ZNF410: variants seen among roughly 807,000 people sequenced by gnomAD.
The protein encoded by ZNF410 is another partner for ARF 1.
Under a neutral mutation model 54.8 loss-of-function variants are expected in ZNF410, and 18 were observed. The observed-to-expected ratio is 0.33, with a 90% CI of 0.23 to 0.49. The LOEUF is 0.49. Among genes scored for constraint, ZNF410 ranks in the 20% least tolerant of loss-of-function variants. The pLI, the probability that ZNF410 is intolerant of heterozygous loss-of-function variation, is 0.99. For missense variants in ZNF410, 405 were observed against 569.6 expected (o/e 0.71, Z 2.94); for synonymous variants, 191 against 207.3 (o/e 0.92, Z 0.68).
intron 1 of ZNF410, among the ~76,000 whole-genome samples, chr14:73,889,053 T>C (rs1334033354): frequency 2.6e-5 from 4 of 152,226 alleles, no homozygotes; most frequent in Non-Finnish European, 5.9e-5. Context: ...AGTAAATAGT[T>C]GTCTGGTTCC....
At chr14:73,915,818 T>G (rs181383362) in intron 8 of ZNF410, 255 of 152,382 alleles carry the variant, frequency 1.7e-3, no homozygotes, top group African/African-American at 5.6e-3. Context: ...ATGCTACTAA[T>G]TTTACTGCTA....
chr14:73,917,406 G>C (rs1002366458), intron 8 of ZNF410, among the ~76,000 whole-genome samples: 8 of 151,974 alleles, frequency 5.3e-5, no homozygotes, highest in Admixed American at 4.6e-4. Context: ...TTCTCTTATA[G>C]GTATAAACAC....
chr14:73,909,789 A>G (rs1477006949), intron 8 of ZNF410, among the ~76,000 whole-genome samples: 3 of 152,190 alleles, frequency 2.0e-5, no homozygotes, highest in Admixed American at 2.0e-4. Context: ...AAGAAAGTAA[A>G]AAGACTGATA....
chr14:73,913,401 G>T (rs1010613333), intron 8 of ZNF410: 7 of 151,172 alleles, frequency 4.6e-5, no homozygotes, highest in Non-Finnish European at 1.5e-5. Context: ...CAAGGTTGAA[G>T]GAAAAAAAAA....
rs1172011772 is a variant in ZNF410, at chr14:73,932,315, T to TTA, written c.*775_*776dup. Reference sequence around the variant, plus strand: ...CTTGTTTTATACAAAATTTGTTTTCTTAGAGATTAAGAATTTAATCTTTCC... The same window carrying TTA: ...CTTGTTTTATACAAAATTTGTTTTCTTATAGAGATTAAGAATTTAATCTTTCC... On this transcript the variant is annotated 3_prime_UTR_variant, in exon 12 of 12. Coordinates refer to ENST00000555044, the MANE Select transcript of ZNF410 (RefSeq NM_021188.3). The TTA allele has an allele frequency of 2.6e-5, 9 of 343,298 alleles. No homozygotes were observed. Among genetic ancestry groups the TTA allele is most frequent in the Non-Finnish European group, 4.5e-5 (8 of 176,942 alleles). 21.3% of individuals were successfully genotyped at this position (343,298 alleles called of 1,614,324 possible).
At chr14:73,898,414 A>C in intron 5 of ZNF410, 152 bp downstream of exon 5, 2 of 918,274 alleles carry the variant, frequency 2.2e-6, no homozygotes, top group Admixed American at 2.8e-5. Context: ...TATTTTCTAT[A>C]AAATAACTTG....
rs923623513 is a variant in ZNF410 at position 73,919,892 on chromosome 14, T to G, written c.1004-1088T>G. 2.1e-4 allele frequency among the ~76,000 whole-genome samples: 29 copies of G among 139,364 alleles called. No homozygotes were observed. The East Asian group carries it at 5.3e-3, about 26-fold the overall frequency. The allele number at this position is 139,364 out of a possible 152,430, so 91.4% of individuals were successfully genotyped here. A position where few individuals can be genotyped will look rare whatever the true frequency, so the allele number is the denominator to read the frequency against. ...CCCTGTTTCTATTGTATAGGTTTTT[T>G]TTTTTTTTTTTTTTTTTTTGCTATG... On this transcript the variant is annotated intron_variant, in intron 8 of 11. Coordinates refer to ENST00000555044, the MANE Select transcript of ZNF410 (RefSeq NM_021188.3).
chr14:73,918,065 T>C (rs984520811), intron 8 of ZNF410, among the ~76,000 whole-genome samples: 2 of 152,176 alleles, frequency 1.3e-5, no homozygotes, highest in South Asian at 2.1e-4. Flanking sequence ...TGAATAGTTA[T>C]GCTATATTGG....
At chr14:73,892,229 T>C (rs1242339770) in intron 2 of ZNF410, 21 bp downstream of exon 2, 2 of 1,611,454 alleles carry the variant, frequency 1.2e-6, no homozygotes, top group Non-Finnish European at 1.7e-6. Flanking sequence ...TCAGCTTGTT[T>C]CCTTTTCTTT....
At chr14:73,891,087 T>G (rs2055221950) in intron 1 of ZNF410, among the ~76,000 whole-genome samples, 2 of 114,530 alleles carry the variant, frequency 1.7e-5, no homozygotes, top group Admixed American at 1.8e-4. Context: ...TCTTCAAATT[T>G]TAACTTTTTT....
At position 73,892,279 on chromosome 14, in the gene ZNF410, G is replaced by A. The variant is rs536842890; in HGVS notation, c.33+71G>A. ...TCAAAGTTTATCTTCAGTTTAGGGG[G>A]TCAGCAAACTTTTTCTTTAATGGGC... is the stretch of plus-strand genomic sequence containing the variant. On this transcript the variant is annotated intron_variant, in intron 2 of 11. Coordinates refer to ENST00000555044, the MANE Select transcript of ZNF410 (RefSeq NM_021188.3). 755 of 1,523,060 alleles carry A rather than the reference G, an allele frequency of 5.0e-4. 8 individuals carry two copies. In the South Asian group the frequency reaches 8.5e-3, roughly 17 times the overall value. The allele number at this position is 1,523,060 out of a possible 1,614,324, so 94.3% of individuals were successfully genotyped here. A position where few individuals can be genotyped will look rare whatever the true frequency, so the allele number is the denominator to read the frequency against.
At chr14:73,923,793 C>T (rs1272874738) in intron 11 of ZNF410, among the ~76,000 whole-genome samples, 1 of 152,142 alleles carries the variant, frequency 6.6e-6, no homozygotes, top group Non-Finnish European at 1.5e-5. Context: ...TTCTCTGCCA[C>T]ACTATAACAT....
At chr14:73,896,619 TAGAA>T in intron 4 of ZNF410, 85 bp downstream of exon 4, 4 of 1,049,206 alleles carry the variant, frequency 3.8e-6, no homozygotes, top group East Asian at 2.4e-5. Context: ...ATACTTAAAA[TAGAA>T]AGAACCTTTA....
chr14:73,899,457 C>G (rs1341885083), intron 5 of ZNF410, among the ~76,000 whole-genome samples: 1 of 152,084 alleles, frequency 6.6e-6, no homozygotes, highest in Non-Finnish European at 1.5e-5. Flanking sequence ...TTATGACTAC[C>G]ATAGTGCTAC....
intron 5 of ZNF410, among the ~76,000 whole-genome samples, chr14:73,901,293 G>A (rs1469701768): frequency 3.3e-5 from 5 of 152,134 alleles, no homozygotes; most frequent in African/African-American, 4.8e-5. Context: ...TACGGCAGCC[G>A]GGCGCAGTGG....
chr14:73,912,426 C>T (rs549467005), intron 8 of ZNF410, among the ~76,000 whole-genome samples: 41 of 152,138 alleles, frequency 2.7e-4, no homozygotes, highest in African/African-American at 9.1e-4. Context: ...CTTGGCCTCC[C>T]GAAGTGCTGG....
chr14:73,891,878 T>G lies in ZNF410; in HGVS notation c.-149-149T>G, dbSNP rs1009856978. On this transcript the variant is annotated intron_variant, in intron 1 of 11. Coordinates refer to ENST00000555044, the MANE Select transcript of ZNF410 (RefSeq NM_021188.3). Reference sequence around the variant, plus strand: ...TATGGGTTTTGATGCCTGTTGAGCTTGTTGTATTTTAAAAGAAGTGTTTCG... The same window carrying G: ...TATGGGTTTTGATGCCTGTTGAGCTGGTTGTATTTTAAAAGAAGTGTTTCG... 5.2e-5 allele frequency: 31 copies of G among 596,316 alleles called. No homozygotes were observed. The East Asian group carries it at 8.9e-4, about 17-fold the overall frequency. 36.9% of individuals were successfully genotyped at this position (596,316 alleles called of 1,614,324 possible). A position where few individuals can be genotyped will look rare whatever the true frequency, so the allele number is the denominator to read the frequency against.
At position 73,921,044 on chromosome 14, in the gene ZNF410, G is replaced by T. The variant is rs2055747271; in HGVS notation, c.1068G>T (p.Val356=). ...TCTCTCAGAGTGGAAGCAGGAATGT[G>T]CATATGAGAAAGCATCACCTGCAGC... ...KTFSQSGSRN[V]HMRKHHLQLG... is the part of the protein sequence containing the mutation. The change falls in exon 9 of 12, where the codon GTG becomes GTT. Residue 356 remains valine, a synonymous_variant. Coordinates refer to ENST00000555044, the MANE Select transcript of ZNF410 (RefSeq NM_021188.3). The T allele has an allele frequency of 6.2e-7, 1 of 1,614,010 alleles. No individual in the cohort carries two copies.
chr14:73,909,766 G>A (rs766497558), intron 8 of ZNF410, among the ~76,000 whole-genome samples: 1 of 152,116 alleles, frequency 6.6e-6, no homozygotes, highest in South Asian at 2.1e-4. Context: ...CCTTGGGGAG[G>A]ATTTCATATC....
Sources: gnomAD v4.1 joint callset for allele counts (sites outside exome capture counted in the v4.1 genomes callset) on GRCh38, gnomAD v4.1.1 for gene constraint, MANE v1.5 for transcripts, NCBI Gene and HGNC (gene_info 2026-07-23, HGNC 2026-07-21) for gene names.